SCHIP1: variants seen among roughly 807,000 people sequenced by gnomAD.
The protein encoded by SCHIP1 is schwannomin-interacting protein 1.
A neutral mutation model predicts 29.7 loss-of-function variants in SCHIP1; 8 were observed. The observed-to-expected ratio is 0.27, with a 90% confidence interval of 0.16 to 0.49. The LOEUF (loss-of-function observed/expected upper bound fraction) is 0.49, where lower values mean the gene tolerates loss of function less well. SCHIP1 is among the 20% of genes least tolerant of loss of function. The probability of loss-of-function intolerance (pLI) is 0.99; values close to 1 mark genes in which losing one functional copy is unlikely to be tolerated. For synonymous variants in SCHIP1, 76 were observed against 94.9 expected (o/e 0.80, Z 1.16); for missense variants, 193 against 294.6 (o/e 0.66, Z 2.52).
chr3:159,603,302 G>A, the SCHIP1 span, among the ~76,000 whole-genome samples: 1 of 152,174 alleles, frequency 6.6e-6, no homozygotes, highest in Non-Finnish European at 1.5e-5. Context: ...GAAGCTCACT[G>A]AACCCTGTCC....
At chr3:159,479,749 G>A in the SCHIP1 span, among the ~76,000 whole-genome samples, 3 of 152,094 alleles carry the variant, frequency 2.0e-5, no homozygotes, top group African/African-American at 7.2e-5. Flanking sequence ...GAGATATGTA[G>A]GAGAGAAAAA....
At chr3:159,546,567 C>G in the SCHIP1 span, among the ~76,000 whole-genome samples, 2 of 152,030 alleles carry the variant, frequency 1.3e-5, no homozygotes, top group African/African-American at 4.8e-5. Flanking sequence ...AGCTATCCTT[C>G]CTCTCCCCAC....
At chr3:159,377,491 A>G in the SCHIP1 span, among the ~76,000 whole-genome samples, 1 of 152,226 alleles carries the variant, frequency 6.6e-6, no homozygotes, top group Non-Finnish European at 1.5e-5. Context: ...AGAAGAGGCC[A>G]TGGAGAATCT....
At chr3:159,543,472 G>GT in the SCHIP1 span, among the ~76,000 whole-genome samples, 7 of 148,084 alleles carry the variant, frequency 4.7e-5, no homozygotes, top group Admixed American at 2.7e-4. Context: ...GCGGTGTTTG[G>GT]TTTTTTGTCC....
chr3:159,359,744 T>G, the SCHIP1 span, among the ~76,000 whole-genome samples: 1 of 152,062 alleles, frequency 6.6e-6, no homozygotes, highest in Non-Finnish European at 1.5e-5. Flanking sequence ...ATGCCAATAA[T>G]CAATAATCAA....
At chr3:159,394,378 T>A in the SCHIP1 span, among the ~76,000 whole-genome samples, 14 of 152,136 alleles carry the variant, frequency 9.2e-5, no homozygotes, top group Non-Finnish European at 1.8e-4. Context: ...AGAGAGGGCA[T>A]CCCTGTCTTG....
the SCHIP1 span, among the ~76,000 whole-genome samples, chr3:159,572,510 A>C: frequency 5.9e-5 from 9 of 152,250 alleles, no homozygotes; most frequent in Non-Finnish European, 7.4e-5. Flanking sequence ...GTTCTTTTAC[A>C]TTTGCTGAGG....
chr3:159,556,461 A>G, the SCHIP1 span, among the ~76,000 whole-genome samples: 1 of 152,110 alleles, frequency 6.6e-6, no homozygotes, highest in Non-Finnish European at 1.5e-5. Flanking sequence ...ATAAAGACAC[A>G]TGCACACATA....
At chr3:159,669,248 C>T in the SCHIP1 span, among the ~76,000 whole-genome samples, 1 of 152,180 alleles carries the variant, frequency 6.6e-6, no homozygotes, top group Non-Finnish European at 1.5e-5. Flanking sequence ...GCTGAAAAGT[C>T]ATCTGAGGAA....
chr3:159,661,288 T>C, the SCHIP1 span, among the ~76,000 whole-genome samples: 1 of 152,238 alleles, frequency 6.6e-6, no homozygotes, highest in African/African-American at 2.4e-5. Context: ...TAATCATTTA[T>C]AATGTTTTAG....
chr3:159,559,474 T>TA, the SCHIP1 span, among the ~76,000 whole-genome samples: 1 of 152,336 alleles, frequency 6.6e-6, no homozygotes, highest in East Asian at 1.9e-4. Context: ...TTGTATGCAT[T>TA]TCAAAATCCA....
At chr3:159,458,544 C>A in the SCHIP1 span, among the ~76,000 whole-genome samples, 1 of 150,762 alleles carries the variant, frequency 6.6e-6, no homozygotes, top group South Asian at 2.1e-4. Flanking sequence ...TTCAGCCTCA[C>A]AACAGATGAA....
At chr3:159,573,744 A>G in the SCHIP1 span, among the ~76,000 whole-genome samples, 1 of 152,022 alleles carries the variant, frequency 6.6e-6, no homozygotes, top group Non-Finnish European at 1.5e-5. Flanking sequence ...TTTCAGATAA[A>G]CCAATCAAAT....
the SCHIP1 span, among the ~76,000 whole-genome samples, chr3:159,391,996 C>T: frequency 6.6e-6 from 1 of 152,172 alleles, no homozygotes; most frequent in Non-Finnish European, 1.5e-5. Flanking sequence ...TAGAGCGAGA[C>T]TCTGGCAACC....
At chr3:159,860,121 G>A (rs575639906) in intron 1 of SCHIP1, among the ~76,000 whole-genome samples, 5 of 152,140 alleles carry the variant, frequency 3.3e-5, no homozygotes, top group Non-Finnish European at 7.3e-5. Context: ...TCTGGGCCAC[G>A]GGGGACCAGT....
At chr3:159,440,021 T>C in the SCHIP1 span, among the ~76,000 whole-genome samples, 2 of 152,150 alleles carry the variant, frequency 1.3e-5, no homozygotes, top group Non-Finnish European at 2.9e-5. Flanking sequence ...CTTCTAGGGT[T>C]TTTTATACTT....
At chr3:159,455,050 T>A in the SCHIP1 span, among the ~76,000 whole-genome samples, 9 of 152,154 alleles carry the variant, frequency 5.9e-5, no homozygotes, top group African/African-American at 1.9e-4. Flanking sequence ...GAGACCCAGG[T>A]ATTTGCCACT....
chr3:159,302,055 T>G, the SCHIP1 span, among the ~76,000 whole-genome samples: 1 of 152,200 alleles, frequency 6.6e-6, no homozygotes, highest in Non-Finnish European at 1.5e-5. Flanking sequence ...CACTTATATT[T>G]TAAACTATGG....
chr3:159,811,091 C>T, the SCHIP1 span, among the ~76,000 whole-genome samples: 1 of 152,164 alleles, frequency 6.6e-6, no homozygotes, highest in African/African-American at 2.4e-5. Context: ...GCTTATTAGC[C>T]ATTCATATTT....
Sources: allele counts gnomAD v4.1 joint callset (sites outside exome capture counted in the v4.1 genomes callset), GRCh38; gene constraint gnomAD v4.1.1; transcripts MANE v1.5; gene names NCBI Gene and HGNC (gene_info 2026-07-23, HGNC 2026-07-21).